The following CSMD2 variants were observed in gnomAD, a reference collection of about 807,000 sequenced individuals.
CSMD2 encodes the protein CUB and sushi domain-containing protein 2.
Under a neutral mutation model 398.5 loss-of-function variants are expected in CSMD2, and 130 were observed. The observed-to-expected ratio is 0.33, with a 90% CI of 0.28 to 0.38. The LOEUF is 0.38. Ranked by LOEUF, CSMD2 falls within the 10% of genes least tolerant of loss-of-function variation. The pLI is 1.00. For missense variants in CSMD2, 3,829 were observed against 4,764.9 expected (o/e 0.80, Z 5.78); for synonymous variants, 1,828 against 1,908.5 (o/e 0.96, Z 1.10).
In CSMD2 at chr1:33,930,404, C is replaced by T. The variant is rs532081565; in HGVS notation, c.712+5356G>A. Among the ~76,000 whole-genome samples the T allele has an allele frequency of 7.1e-4, 108 of 152,332 alleles. 1 individual carries two copies. In the Middle Eastern group the frequency reaches 0.01, roughly 14 times the overall value. The stretch of plus-strand genomic sequence containing the variant: ...ACCACTGCTTCTTTTTCACATTCTG[C>T]AGGTTTCTTCCCCTGGGGCCAGAAA... On this transcript the variant is annotated intron_variant, in intron 4 of 70. Coordinates refer to ENST00000373381, the MANE Select transcript of CSMD2 (RefSeq NM_001281956.2).
At chr1:33,894,573 G>A (rs550301739) in intron 5 of CSMD2, among the ~76,000 whole-genome samples, 1 of 152,266 alleles carries the variant, frequency 6.6e-6, no homozygotes, top group South Asian at 2.1e-4. Flanking sequence ...GTCCCTGTGG[G>A]ATTATGGCCC....
chr1:33,542,738 T>G lies in CSMD2; in HGVS notation c.9259A>C (p.Ser3087Arg). ...HCSVNGTWTG[S>R]DPECLVINCG... ...CTCTCACCGAGGCACTCAGGGTCAC[T>G]GCCTGTCCAGGTACCATTGACCGAG... The change falls in exon 58 of 71, where the codon AGT becomes CGT. Residue 3087 changes from serine (S) to arginine (R), a missense_variant. This residue lies in a region of CSMD2 where 917 missense variants were observed against 1,199.5 expected (regional missense o/e 0.76). Transcript: ENST00000373381. The G allele has an allele frequency of 6.2e-7, 1 of 1,613,906 alleles. No homozygotes were observed. The highest frequency in any genetic ancestry group is 8.5e-7 in the Non-Finnish European group (1 of 1,179,946).
Position 33,648,874 on chromosome 1 carries a change from G to T in CSMD2, c.4587-2039C>A, listed in dbSNP as rs145800845. On this transcript the variant is annotated intron_variant, in intron 28 of 70. Coordinates refer to ENST00000373381, the MANE Select transcript of CSMD2 (RefSeq NM_001281956.2). ...CTAATCTTAAAAAAATCTTTAAAGA[G>T]CACCCATTTTTTCTTCCGTTAATAA... Among the ~76,000 whole-genome samples the T allele has an allele frequency of 6.4e-3, 972 of 152,110 alleles. 13 individuals carry two copies. The highest frequency in any genetic ancestry group is 0.022 in the African/African-American group (931 of 41,496).
intron 46 of CSMD2, 32 bp downstream of exon 46, chr1:33,586,472 G>T: frequency 7.1e-7 from 1 of 1,398,826 alleles, no homozygotes; most frequent in South Asian, 1.2e-5. Context: ...GGAACTTCTA[G>T]GCCCCATACA....
At chr1:33,945,879 A>G (rs1187114412) in intron 3 of CSMD2, among the ~76,000 whole-genome samples, 11 of 152,228 alleles carry the variant, frequency 7.2e-5, no homozygotes, top group Non-Finnish European at 1.2e-4. Context: ...CATGGAAAAT[A>G]AGTGGTACCC....
intron 6 of CSMD2, among the ~76,000 whole-genome samples, chr1:33,837,015 A>G (rs973738391): frequency 2.0e-5 from 3 of 152,196 alleles, no homozygotes; most frequent in African/African-American, 7.2e-5. Flanking sequence ...CACCTCCAGA[A>G]TATTAGCATT....
chr1:33,527,344 A>T, intron 64 of CSMD2, 86 bp from the exon 65 acceptor site: 1 of 1,080,736 alleles, frequency 9.3e-7, no homozygotes, highest in South Asian at 1.5e-5. Flanking sequence ...GTCTGACCTT[A>T]GGTCAATGGG....
Position 33,602,486 on chromosome 1 carries a change from C to T in CSMD2, c.6593G>A (p.Ser2198Asn). 2 of 1,613,510 alleles carry T rather than the reference C, an allele frequency of 1.2e-6. No homozygotes were observed. The highest frequency in any genetic ancestry group is 1.7e-6 in the Non-Finnish European group (2 of 1,179,862). The change falls in exon 43 of 71, where the codon AGC becomes AAC. Residue 2198 changes from serine to asparagine, a missense_variant. Physicochemically the swap from Ser to Asn is conservative, Grantham distance 46. Coordinates refer to ENST00000373381, the MANE Select transcript of CSMD2 (RefSeq NM_001281956.2). ...NGTVYSPGFP[S>N]PYSSSQDCVW... ...ACAGTCCTGGGAGCTGGAGTACGGG[C>T]TAGGGAACCCCGGGGAGTACACAGT... is the stretch of plus-strand genomic sequence containing the variant.
chr1:33,815,993 G>A (rs1314424037), intron 9 of CSMD2, among the ~76,000 whole-genome samples: 4 of 152,088 alleles, frequency 2.6e-5, no homozygotes, highest in African/African-American at 7.2e-5. Context: ...AATCCACCAA[G>A]AAGACAGCCA....
chr1:33,938,033 T>C (rs1242235845), intron 3 of CSMD2, among the ~76,000 whole-genome samples: 1 of 152,258 alleles, frequency 6.6e-6, no homozygotes, highest in East Asian at 1.9e-4. Flanking sequence ...CATGTATTAA[T>C]TCCTTCATGC....
intron 7 of CSMD2, among the ~76,000 whole-genome samples, chr1:33,822,730 T>C (rs1307128061): frequency 1.3e-5 from 2 of 152,054 alleles, no homozygotes; most frequent in African/African-American, 4.8e-5. Flanking sequence ...GGAACGGAGA[T>C]AACTAGGGGG....
At chr1:33,969,095 G>A (rs936141249) in intron 3 of CSMD2, among the ~76,000 whole-genome samples, 1 of 152,142 alleles carries the variant, frequency 6.6e-6, no homozygotes, top group Admixed American at 6.5e-5. Flanking sequence ...GGGAGTCAGT[G>A]AGATCATAGG....
intron 64 of CSMD2, among the ~76,000 whole-genome samples, chr1:33,530,979 G>A (rs893674021): frequency 6.6e-6 from 1 of 152,152 alleles, no homozygotes; most frequent in African/African-American, 2.4e-5. Context: ...TTGGAAAGAT[G>A]TTGGCCAAAG....
At chr1:33,667,574 T>C (rs1318282119) in intron 25 of CSMD2, among the ~76,000 whole-genome samples, 4 of 152,214 alleles carry the variant, frequency 2.6e-5, no homozygotes, top group African/African-American at 7.2e-5. Context: ...GAGGCTGTGG[T>C]TGAGAGCTAG....
At chr1:33,830,449 TC>T in intron 6 of CSMD2, among the ~76,000 whole-genome samples, 1 of 152,208 alleles carries the variant, frequency 6.6e-6, no homozygotes, top group African/African-American at 2.4e-5. Context: ...CAGCTGAGGG[TC>T]CTGTCTGTTA....
intron 5 of CSMD2, among the ~76,000 whole-genome samples, chr1:33,908,858 A>T (rs1253721480): frequency 6.6e-6 from 1 of 152,216 alleles, no homozygotes; most frequent in Admixed American, 6.5e-5. Flanking sequence ...GAGATACAGG[A>T]GACGAGATTT....
Position 33,600,332 on chromosome 1 carries a change from T to TA in CSMD2, c.6856+532dup, listed in dbSNP as rs1486105929. Reference sequence around the variant, plus strand: ...GTTTCTCTAGGCAATTCCACTATAATAAAAATGAGGAAATATCCAGATCCC... The same window carrying TA: ...GTTTCTCTAGGCAATTCCACTATAATAAAAAATGAGGAAATATCCAGATCCC... On this transcript the variant is annotated intron_variant, in intron 44 of 70. Transcript: ENST00000373381. The TA allele has an allele frequency of 5.1e-6, 3 of 589,580 alleles. No individual in the cohort carries two copies. In the African/African-American group the frequency reaches 5.7e-5, roughly 11 times the overall value. 36.5% of individuals were successfully genotyped at this position (589,580 alleles called of 1,614,324 possible). A position where few individuals can be genotyped will look rare whatever the true frequency, so the allele number is the denominator to read the frequency against.
intron 25 of CSMD2, among the ~76,000 whole-genome samples, chr1:33,668,107 G>A (rs944625881): frequency 6.6e-6 from 1 of 152,168 alleles, no homozygotes; most frequent in Non-Finnish European, 1.5e-5. Context: ...AGCAGGAGGG[G>A]TGAGAGGTGG....
chr1:33,689,712 T>C (rs1645172044), intron 25 of CSMD2, among the ~76,000 whole-genome samples: 1 of 152,172 alleles, frequency 6.6e-6, no homozygotes, highest in South Asian at 2.1e-4. Context: ...ATGCCATGGA[T>C]GAACACATCC....
Sources: allele counts gnomAD v4.1 joint callset (sites outside exome capture counted in the v4.1 genomes callset), GRCh38; gene constraint gnomAD v4.1.1; regional missense constraint gnomAD v4.1.1; transcripts MANE v1.5; gene names NCBI Gene and HGNC (gene_info 2026-07-23, HGNC 2026-07-21).